ARHGAP12: variants seen among roughly 807,000 people sequenced by gnomAD.
ARHGAP12 encodes Rho GTPase activating protein 12, also known as rho GTPase-activating protein 12.
Under a neutral mutation model 108.6 loss-of-function variants are expected in ARHGAP12, and 64 were observed. The observed-to-expected ratio is 0.59, with a 90% confidence interval of 0.48 to 0.73. ARHGAP12 has a LOEUF of 0.73. ARHGAP12 is among the 30% of genes least tolerant of loss of function. The pLI, the probability that ARHGAP12 is intolerant of heterozygous loss-of-function variation, is 0.00. For synonymous variants in ARHGAP12, 312 were observed against 337.2 expected (o/e 0.93, Z 0.82); for missense variants, 940 against 1,005.9 (o/e 0.93, Z 0.89).
intron 3 of ARHGAP12, among the ~76,000 whole-genome samples, chr10:31,895,807 T>C (rs962918301): frequency 2.0e-5 from 3 of 152,130 alleles, no homozygotes; most frequent in Non-Finnish European, 4.4e-5. Flanking sequence ...TATTGCGGCA[T>C]TATTCACAAT....
Position 31,861,609 on chromosome 10 carries a change from T to A in ARHGAP12, c.734A>T (p.Asn245Ile). 4 of 1,614,048 alleles carry A rather than the reference T, an allele frequency of 2.5e-6. No individual in the cohort carries two copies. The highest frequency in any genetic ancestry group is 3.4e-6 in the Non-Finnish European group (4 of 1,179,964). The change falls in exon 4 of 20, where the codon AAC becomes ATC. Residue 245 changes from asparagine to isoleucine, a missense_variant. Coordinates refer to ENST00000344936, the MANE Select transcript of ARHGAP12 (RefSeq NM_018287.7). ...CTGGGATATTTTCAGTTCTTGAAGG[T>A]TAGCATAGACAGGAGAATCTGGCCT... ...QGRPDSPVYANLQELKISQSA... is the reference protein window; with the variant it reads ...QGRPDSPVYAILQELKISQSA...
At chr10:31,883,767 A>G (rs1346421178) in intron 3 of ARHGAP12, among the ~76,000 whole-genome samples, 1 of 150,228 alleles carries the variant, frequency 6.7e-6, no homozygotes, top group Non-Finnish European at 1.5e-5. Context: ...GCTGGAGTTC[A>G]GTGGCGTGAT....
chr10:31,883,713 CTTTT>C (rs545505761), intron 3 of ARHGAP12, among the ~76,000 whole-genome samples: 2 of 139,810 alleles, frequency 1.4e-5, no homozygotes, highest in Admixed American at 7.2e-5. Flanking sequence ...ATGTAAAATA[CTTTT>C]TTTTTTTTTT....
intron 7 of ARHGAP12, among the ~76,000 whole-genome samples, chr10:31,843,243 C>T (rs1836333528): frequency 6.6e-6 from 1 of 151,994 alleles, no homozygotes; most frequent in South Asian, 2.1e-4. Flanking sequence ...ATGCTAAATA[C>T]ATAAAAATGT....
At chr10:31,848,300 C>T (rs1046057843) in intron 6 of ARHGAP12, among the ~76,000 whole-genome samples, 4 of 152,128 alleles carry the variant, frequency 2.6e-5, no homozygotes, top group African/African-American at 7.2e-5. Flanking sequence ...CCCCCTGTGA[C>T]GGCTTTTAAG....
chr10:31,875,628 A>G (rs2132348166), intron 3 of ARHGAP12, among the ~76,000 whole-genome samples: 1 of 152,346 alleles, frequency 6.6e-6, no homozygotes, highest in Middle Eastern at 3.4e-3. Flanking sequence ...AGGCCTGTCT[A>G]GACACTATTC....
At chr10:31,822,278 C>A (rs552933073) in intron 11 of ARHGAP12, among the ~76,000 whole-genome samples, 1 of 152,164 alleles carries the variant, frequency 6.6e-6, no homozygotes, top group Non-Finnish European at 1.5e-5. Context: ...TTTACATATG[C>A]AACAGCAGGC....
At chr10:31,920,466 A>G (rs1020694570) in intron 1 of ARHGAP12, among the ~76,000 whole-genome samples, 5 of 151,054 alleles carry the variant, frequency 3.3e-5, no homozygotes, top group South Asian at 4.2e-4. Flanking sequence ...AAAAAAAAAA[A>G]AAAAAGAAAA....
intron 3 of ARHGAP12, among the ~76,000 whole-genome samples, chr10:31,893,824 C>T (rs560979791): frequency 3.4e-4 from 51 of 152,208 alleles, no homozygotes; most frequent in African/African-American, 9.9e-4. Flanking sequence ...ATATCCCTGA[C>T]GAACATCAAT....
intron 3 of ARHGAP12, among the ~76,000 whole-genome samples, chr10:31,870,928 A>G (rs932617400): frequency 1.3e-5 from 2 of 152,182 alleles, no homozygotes; most frequent in Non-Finnish European, 2.9e-5. Flanking sequence ...ACTAATTATG[A>G]GCTAGGCAGT....
chr10:31,812,491 AG>A (rs1226381422), intron 15 of ARHGAP12: 2 of 302,908 alleles, frequency 6.6e-6, no homozygotes, highest in Non-Finnish European at 1.2e-5. Flanking sequence ...GCTTTCTAAA[AG>A]TTTAGTGTGT....
intron 1 of ARHGAP12, among the ~76,000 whole-genome samples, chr10:31,919,608 C>T (rs543234026): frequency 2.7e-5 from 4 of 148,672 alleles, no homozygotes; most frequent in Admixed American, 2.0e-4. Flanking sequence ...CTGGCTCCCA[C>T]GGTGAAACCG....
chr10:31,878,828 G>GA (rs1364834731), intron 3 of ARHGAP12, among the ~76,000 whole-genome samples: 13 of 152,292 alleles, frequency 8.5e-5, no homozygotes, highest in African/African-American at 2.9e-4. Flanking sequence ...CAAGCCCTGT[G>GA]AAAATACCCT....
At chr10:31,914,318 C>A (rs1839471480) in intron 1 of ARHGAP12, among the ~76,000 whole-genome samples, 1 of 151,864 alleles carries the variant, frequency 6.6e-6, no homozygotes, top group African/African-American at 2.4e-5. Context: ...ATATTTAATT[C>A]TCTAATTAAA....
chr10:31,834,617 A>G (rs1835944900), intron 9 of ARHGAP12, among the ~76,000 whole-genome samples: 1 of 152,166 alleles, frequency 6.6e-6, no homozygotes, highest in African/African-American at 2.4e-5. Flanking sequence ...ATTTTTTATT[A>G]CTTTTATTAC....
rs34221433 is a variant in ARHGAP12 at position 31,884,324 on chromosome 10, CA to C, written c.685-22667del. On this transcript the variant is annotated intron_variant, in intron 3 of 19. Transcript: ENST00000344936. ...ATGAAAAAGTGATTAATCTCCCCTCCAAAAAAAAAAACGGCACAGTTTTACA... is the reference window on the plus strand; with the variant it reads ...ATGAAAAAGTGATTAATCTCCCCTCCAAAAAAAAAACGGCACAGTTTTACA... Among the ~76,000 whole-genome samples, 1,151 of 139,060 alleles carry C rather than the reference CA, an allele frequency of 8.3e-3. 15 individuals carry two copies. The highest frequency in any genetic ancestry group is 0.021 in the Admixed American group (295 of 13,942). 91.2% of individuals were successfully genotyped at this position (139,060 alleles called of 152,430 possible).
chr10:31,810,223 G>A (rs117109747), intron 16 of ARHGAP12, among the ~76,000 whole-genome samples: 3,520 of 152,186 alleles, frequency 0.023, 53 homozygotes, highest in Non-Finnish European at 0.038. Context: ...TATCTCGTGA[G>A]ACATTTGTGG....
At chr10:31,891,340 A>AG (rs1191689327) in intron 3 of ARHGAP12, among the ~76,000 whole-genome samples, 1 of 152,192 alleles carries the variant, frequency 6.6e-6, no homozygotes, top group Admixed American at 6.5e-5. Flanking sequence ...TCACTTATGA[A>AG]GCTTAGTTAG....
At chr10:31,892,746 A>G (rs2132406530) in intron 3 of ARHGAP12, among the ~76,000 whole-genome samples, 1 of 152,340 alleles carries the variant, frequency 6.6e-6, no homozygotes, top group East Asian at 1.9e-4. Flanking sequence ...CTCTGCACCA[A>G]GCAGATCTAA....
Sources: allele counts gnomAD v4.1 joint callset (sites outside exome capture counted in the v4.1 genomes callset), GRCh38; gene constraint gnomAD v4.1.1; transcripts MANE v1.5; gene names NCBI Gene and HGNC (gene_info 2026-07-23, HGNC 2026-07-21).